The following HTR1F variants were observed in gnomAD, a reference collection of about 807,000 sequenced individuals.
HTR1F encodes the protein 5-hydroxytryptamine (serotonin) receptor 1F, G protein-coupled.
A neutral mutation model predicts 24.0 loss-of-function variants in HTR1F; 17 were observed. That is an observed-to-expected ratio of 0.71 (90% confidence interval 0.48 to 1.06). The LOEUF is 1.06. Among genes scored for constraint, HTR1F ranks in the 50% least tolerant of loss-of-function variants. The probability of loss-of-function intolerance (pLI) is 0.00; values close to 1 mark genes in which losing one functional copy is unlikely to be tolerated. For missense variants in HTR1F, 391 were observed against 427.8 expected (o/e 0.91, Z 0.76); for synonymous variants, 186 against 156.8 (o/e 1.19, Z -1.39).
intron 2 of HTR1F, among the ~76,000 whole-genome samples, chr3:87,925,026 T>C (rs1490846560): frequency 6.6e-6 from 1 of 152,090 alleles, no homozygotes; most frequent in Non-Finnish European, 1.5e-5. Flanking sequence ...AATGCGAATA[T>C]GGTGATCCCT....
At position 87,820,419 on chromosome 3, in the gene HTR1F, G is replaced by A. The variant is rs372345576; in HGVS notation, c.-159-1589G>A. Among the ~76,000 whole-genome samples, 587 of 151,654 alleles carry A rather than the reference G, an allele frequency of 3.9e-3. 5 individuals carry two copies. The highest frequency in any genetic ancestry group is 0.014 in the African/African-American group (563 of 41,340). On this transcript the variant is annotated intron_variant, in intron 1 of 2. Transcript: ENST00000319595. The stretch of plus-strand genomic sequence containing the variant: ...TCTCGATCTCCTGACCTCGTGATCC[G>A]CCCGCCTCGGCCTCCCAAAGTGCTG...
intron 2 of HTR1F, among the ~76,000 whole-genome samples, chr3:87,882,990 T>A (rs1705842967): frequency 6.6e-6 from 1 of 152,202 alleles, no homozygotes; most frequent in Non-Finnish European, 1.5e-5. Flanking sequence ...ACGGACAGAC[T>A]GCCTCCTCAA....
chr3:87,815,007 T>A (rs1267298804), intron 1 of HTR1F, among the ~76,000 whole-genome samples: 1 of 152,128 alleles, frequency 6.6e-6, no homozygotes, highest in Non-Finnish European at 1.5e-5. Context: ...ACATGGATAA[T>A]CTTCAGGACC....
chr3:87,933,155 C>A (rs939252156), intron 2 of HTR1F, among the ~76,000 whole-genome samples: 18 of 151,836 alleles, frequency 1.2e-4, no homozygotes, highest in African/African-American at 3.4e-4. Context: ...ATTCAACAAC[C>A]CTTCATGCTA....
intron 2 of HTR1F, among the ~76,000 whole-genome samples, chr3:87,875,452 A>G (rs576066647): frequency 6.6e-6 from 1 of 151,586 alleles, no homozygotes; most frequent in East Asian, 1.9e-4. Context: ...TCCATCTCAA[A>G]AAAAGAAAAA....
At chr3:87,951,082 T>C (rs568909617) in intron 2 of HTR1F, among the ~76,000 whole-genome samples, 1 of 152,146 alleles carries the variant, frequency 6.6e-6, no homozygotes, top group Admixed American at 6.6e-5. Context: ...AATTTCCCCA[T>C]CCAACAGGCA....
chr3:87,820,427 C>T (rs1367699824), intron 1 of HTR1F, among the ~76,000 whole-genome samples: 12 of 151,876 alleles, frequency 7.9e-5, no homozygotes, highest in Admixed American at 6.6e-4. Context: ...CCGCCCGCCT[C>T]GGCCTCCCAA....
At chr3:87,883,061 T>A (rs2107285440) in intron 2 of HTR1F, among the ~76,000 whole-genome samples, 1 of 152,010 alleles carries the variant, frequency 6.6e-6, no homozygotes, top group East Asian at 2.0e-4. Flanking sequence ...GGCGGACACC[T>A]CATACAGGTG....
At chr3:87,987,667 T>A (rs111523075) in intron 2 of HTR1F, among the ~76,000 whole-genome samples, 1 of 144,036 alleles carries the variant, frequency 6.9e-6, no homozygotes, top group African/African-American at 2.5e-5. Flanking sequence ...TAAAAATATA[T>A]GTATTATATA....
Position 87,979,049 on chromosome 3 carries a change from AGGGAG to A in HTR1F, c.-42-11656_-42-11652del, listed in dbSNP as rs1559656195. On this transcript the variant is annotated intron_variant, in intron 2 of 2. Transcript: ENST00000319595. Reference sequence around the variant, plus strand: ...GAGGGAGGGAGGGAGGGGGGGAGGGAGGGAGGGAGGGGGGGGAGGGAGGGAGGGGG... The same window carrying A: ...GAGGGAGGGAGGGAGGGGGGGAGGGAGGAGGGGGGGGAGGGAGGGAGGGGG... Among the ~76,000 whole-genome samples the A allele has an allele frequency of 1.2e-3, 2 of 1,608 alleles. 1 individual carries two copies. The highest frequency in any genetic ancestry group is 4.1e-3 in the Non-Finnish European group (2 of 482). The allele number at this position is 1,608 out of a possible 152,430, so 1.1% of individuals were successfully genotyped here. A position where few individuals can be genotyped will look rare whatever the true frequency, so the allele number is the denominator to read the frequency against.
chr3:87,808,471 T>A (rs1704108189), intron 1 of HTR1F, among the ~76,000 whole-genome samples: 3 of 151,822 alleles, frequency 2.0e-5, no homozygotes, highest in African/African-American at 4.8e-5. Flanking sequence ...TGTCTTTTTT[T>A]TTCATATCTG....
chr3:87,860,113 G>A (rs1217468551), intron 2 of HTR1F, among the ~76,000 whole-genome samples: 2 of 152,124 alleles, frequency 1.3e-5, no homozygotes, highest in East Asian at 3.9e-4. Context: ...CATAGATATA[G>A]AATTTTGCTG....
intron 2 of HTR1F, among the ~76,000 whole-genome samples, chr3:87,857,157 G>A (rs1244496365): frequency 6.6e-6 from 1 of 151,710 alleles, no homozygotes; most frequent in Non-Finnish European, 1.5e-5. Context: ...AGGTGGAATG[G>A]AGACAAGCAG....
intron 2 of HTR1F, among the ~76,000 whole-genome samples, chr3:87,984,440 G>A (rs1333408267): frequency 1.6e-5 from 2 of 126,402 alleles, no homozygotes; most frequent in Admixed American, 1.7e-4. Context: ...GTAGGAAAGA[G>A]GTTTTTTTGT....
intron 2 of HTR1F, among the ~76,000 whole-genome samples, chr3:87,833,652 T>G (rs182764248): frequency 6.6e-6 from 1 of 152,158 alleles, no homozygotes; most frequent in Non-Finnish European, 1.5e-5. Context: ...CTGGCTAATT[T>G]TTTTAAAATT....
At chr3:87,918,690 A>G (rs189640393) in intron 2 of HTR1F, among the ~76,000 whole-genome samples, 1 of 152,202 alleles carries the variant, frequency 6.6e-6, no homozygotes, top group East Asian at 1.9e-4. Context: ...CTCTAAAGGA[A>G]AACTACGAAA....
chr3:87,834,354 T>G (rs2107160861), intron 2 of HTR1F, among the ~76,000 whole-genome samples: 1 of 152,312 alleles, frequency 6.6e-6, no homozygotes, highest in Non-Finnish European at 1.5e-5. Flanking sequence ...AATACTCATA[T>G]AAATGTGAAT....
chr3:87,931,704 G>T (rs1576048893), intron 2 of HTR1F, among the ~76,000 whole-genome samples: 4 of 152,054 alleles, frequency 2.6e-5, no homozygotes, highest in East Asian at 1.9e-4. Flanking sequence ...ATCCTCTCCA[G>T]CAGCTGTTGT....
intron 2 of HTR1F, among the ~76,000 whole-genome samples, chr3:87,880,642 T>G (rs1222525584): frequency 3.0e-5 from 4 of 134,238 alleles, no homozygotes; most frequent in East Asian, 2.3e-4. Context: ...GTGTGTGTGT[T>G]TGTTTGTGTG....
Sources: gnomAD v4.1 joint callset for allele counts (sites outside exome capture counted in the v4.1 genomes callset) on GRCh38, gnomAD v4.1.1 for gene constraint, MANE v1.5 for transcripts, NCBI Gene and HGNC (gene_info 2026-07-23, HGNC 2026-07-21) for gene names.